Variants in ERC2 observed in about 807,000 individuals in gnomAD.
ERC2 encodes ERC protein 2.
In ERC2, 42 loss-of-function variants were observed where a neutral mutation model predicts 114.8. The ratio of observed to expected loss-of-function variants is 0.37; its 90% confidence interval spans 0.29 to 0.47. The LOEUF is 0.47. Among genes scored for constraint, ERC2 ranks in the 20% least tolerant of loss-of-function variants. The probability of loss-of-function intolerance (pLI) is 0.99; values close to 1 mark genes in which losing one functional copy is unlikely to be tolerated. For missense variants in ERC2, 939 were observed against 1,150.7 expected (o/e 0.82, Z 2.66); for synonymous variants, 454 against 425.5 (o/e 1.07, Z -0.82).
At chr3:55,696,063 C>T (rs974859891) in intron 16 of ERC2, among the ~76,000 whole-genome samples, 1 of 152,070 alleles carries the variant, frequency 6.6e-6, no homozygotes, top group African/African-American at 2.4e-5. Context: ...TTGGGAAATG[C>T]TAGTCTAGAC....
chr3:55,586,548 C>T (rs2057613426), intron 17 of ERC2, among the ~76,000 whole-genome samples: 1 of 152,138 alleles, frequency 6.6e-6, no homozygotes, highest in South Asian at 2.1e-4. Flanking sequence ...TTTAAAATAA[C>T]TGTCATTTCC....
At chr3:55,875,386 G>C (rs1050525607) in intron 14 of ERC2, among the ~76,000 whole-genome samples, 1 of 152,188 alleles carries the variant, frequency 6.6e-6, no homozygotes, top group African/African-American at 2.4e-5. Flanking sequence ...TGAAGCATCA[G>C]GGGTGAGGTA....
chr3:56,204,310 G>A (rs560218783), intron 3 of ERC2, among the ~76,000 whole-genome samples: 23 of 152,222 alleles, frequency 1.5e-4, no homozygotes, highest in South Asian at 8.3e-4. Context: ...AACATGGTGC[G>A]TGGTACACAG....
intron 14 of ERC2, among the ~76,000 whole-genome samples, chr3:55,864,144 T>C (rs371386509): frequency 2.1e-4 from 25 of 116,472 alleles, no homozygotes; most frequent in Middle Eastern, 4.5e-3. Flanking sequence ...TATATACATA[T>C]ATATATATAT....
chr3:56,217,682 T>G (rs1002659023), intron 3 of ERC2, among the ~76,000 whole-genome samples: 2 of 152,158 alleles, frequency 1.3e-5, no homozygotes, highest in African/African-American at 4.8e-5. Context: ...CATTGCCAAG[T>G]CAATCCTAAG....
intron 16 of ERC2, among the ~76,000 whole-genome samples, chr3:55,694,911 A>C (rs2062850734): frequency 2.0e-5 from 3 of 152,194 alleles, no homozygotes; most frequent in African/African-American, 7.2e-5. Flanking sequence ...TGTGGACCTC[A>C]TGCTGATGCT....
chr3:56,064,150 A>G (rs2149712766), intron 7 of ERC2, among the ~76,000 whole-genome samples: 1 of 152,310 alleles, frequency 6.6e-6, no homozygotes, highest in East Asian at 1.9e-4. Flanking sequence ...GCTCTGGTCA[A>G]ATGCCCCATG....
chr3:55,892,937 T>C (rs887295893), intron 13 of ERC2, among the ~76,000 whole-genome samples: 1 of 152,114 alleles, frequency 6.6e-6, no homozygotes, highest in Non-Finnish European at 1.5e-5. Flanking sequence ...CCCAAGATGA[T>C]GGCATTAAGG....
intron 2 of ERC2, among the ~76,000 whole-genome samples, chr3:56,369,635 T>C (rs1296325973): frequency 6.6e-6 from 1 of 152,062 alleles, no homozygotes; most frequent in Non-Finnish European, 1.5e-5. Context: ...CATAAATAAA[T>C]AAATCTTTTT....
chr3:56,038,923 G>T (rs1406782745), intron 7 of ERC2, among the ~76,000 whole-genome samples: 3 of 152,150 alleles, frequency 2.0e-5, no homozygotes, highest in African/African-American at 7.2e-5. Context: ...ACACCCACTG[G>T]GGCCTGTGGT....
At chr3:56,443,738 AAG>A (rs1312466287) in intron 1 of ERC2, among the ~76,000 whole-genome samples, 1 of 152,044 alleles carries the variant, frequency 6.6e-6, no homozygotes, top group African/African-American at 2.4e-5. Context: ...ATCTCTGAGA[AAG>A]AGCAAAAAGA....
intron 17 of ERC2, among the ~76,000 whole-genome samples, chr3:55,583,342 T>TCTGCCTGTCTGC (rs2057354012): frequency 6.7e-6 from 1 of 148,932 alleles, no homozygotes. Context: ...TGCCTGCCTG[T>TCTGCCTGTCTGC]CTGCCTGCCT....
At chr3:55,657,150 C>A (rs928954491) in intron 17 of ERC2, 2 of 152,280 alleles carry the variant, frequency 1.3e-5, no homozygotes, top group East Asian at 1.9e-4. Flanking sequence ...TTCACTCCCC[C>A]GCTTTTGCCT....
At chr3:55,903,801 G>C (rs561368569) in intron 13 of ERC2, among the ~76,000 whole-genome samples, 1 of 152,200 alleles carries the variant, frequency 6.6e-6, no homozygotes, top group Non-Finnish European at 1.5e-5. Context: ...GGAGGCCAGG[G>C]CTGTCAGGCC....
intron 2 of ERC2, among the ~76,000 whole-genome samples, chr3:56,355,765 T>C (rs1481609386): frequency 6.6e-6 from 1 of 152,198 alleles, no homozygotes; most frequent in Non-Finnish European, 1.5e-5. Flanking sequence ...GTCTGGTTCC[T>C]CTTTCCCTCT....
chr3:55,525,451 T>C (rs1411619472), intron 17 of ERC2, among the ~76,000 whole-genome samples: 1 of 152,132 alleles, frequency 6.6e-6, no homozygotes. Flanking sequence ...AGACACCTCA[T>C]ATGGTGTCAG....
chr3:55,796,288 A>T (rs1259254411), intron 14 of ERC2, among the ~76,000 whole-genome samples: 2 of 152,224 alleles, frequency 1.3e-5, no homozygotes, highest in Non-Finnish European at 2.9e-5. Context: ...GGTGGACTGC[A>T]TGAGAAGCAG....
intron 17 of ERC2, among the ~76,000 whole-genome samples, chr3:55,566,728 T>C (rs760643900): frequency 4.6e-5 from 7 of 150,770 alleles, no homozygotes; most frequent in Non-Finnish European, 8.8e-5. Flanking sequence ...CAACAGATTG[T>C]TGTTCTATTA....
intron 17 of ERC2, among the ~76,000 whole-genome samples, chr3:55,636,775 C>T (rs1479094518): frequency 6.6e-6 from 1 of 152,208 alleles, no homozygotes; most frequent in South Asian, 2.1e-4. Context: ...ACAGGCAGGG[C>T]ACTGAATCTG....
Sources: gnomAD v4.1 joint callset for allele counts (sites outside exome capture counted in the v4.1 genomes callset) on GRCh38, gnomAD v4.1.1 for gene constraint, MANE v1.5 for transcripts, NCBI Gene and HGNC (gene_info 2026-07-23, HGNC 2026-07-21) for gene names.